Variants in ARHGAP25 observed in about 807,000 individuals in gnomAD.
The protein encoded by ARHGAP25 is rho GTPase-activating protein 25.
In ARHGAP25, 34 loss-of-function variants were observed where a neutral mutation model predicts 71.0. The observed-to-expected ratio is 0.48, with a 90% CI of 0.36 to 0.64. The LOEUF (loss-of-function observed/expected upper bound fraction) is 0.64. Ranked by LOEUF, ARHGAP25 falls within the 30% of genes least tolerant of loss-of-function variation. ARHGAP25 has a pLI of 0.00. For synonymous variants in ARHGAP25, 282 were observed against 296.5 expected (o/e 0.95, Z 0.50); for missense variants, 706 against 805.1 (o/e 0.88, Z 1.49).
chr2:68,822,655 G>T lies in ARHGAP25; in HGVS notation c.1516G>T (p.Val506Phe), dbSNP rs145839401. ...CCAACGGACTTCCACCTACGATAAC[G>T]TCCCTTCCCTGCCAGGGTCCCCTGG... ...DSQRTSTYDNVPSLPGSPGEE... is the reference protein window; with the variant it reads ...DSQRTSTYDNFPSLPGSPGEE... Residue 506 changes from valine (V) to phenylalanine (F), a missense_variant, in exon 10 of 11, where the codon GTC becomes TTC. Physicochemically the swap from Val to Phe is conservative, Grantham distance 50. Coordinates refer to ENST00000409202, the MANE Select transcript of ARHGAP25 (RefSeq NM_001007231.3). 3.9e-5 allele frequency: 63 copies of T among 1,614,026 alleles called. 1 individual carries two copies. The East Asian group carries it at 1.3e-3, about 34-fold the overall frequency.
intron 1 of ARHGAP25, among the ~76,000 whole-genome samples, chr2:68,742,513 G>A (rs959812449): frequency 1.3e-5 from 2 of 152,286 alleles, no homozygotes; most frequent in South Asian, 4.1e-4. Flanking sequence ...TGCAATCCTA[G>A]TGCTAACTCA....
rs776150370 is a variant in ARHGAP25 at position 68,822,761 on chromosome 2, C to G, written c.1622C>G (p.Pro541Arg). ...TLASPNSETGPGKKNSGEEEI... is the reference protein window; with the variant it reads ...TLASPNSETGRGKKNSGEEEI... ...GCCAGTCCAAACTCTGAAACTGGGC[C>G]TGGAAAAAAGAACTCTGGAGAAGAG... The change falls in exon 10 of 11, where the codon CCT becomes CGT. Residue 541 changes from proline (P) to arginine (R), a missense_variant. Transcript: ENST00000409202. 6.2e-7 allele frequency: 1 copy of G among 1,614,142 alleles called. No homozygotes were observed. The highest frequency in any genetic ancestry group is 8.5e-7 in the Non-Finnish European group (1 of 1,180,010).
chr2:68,739,787 G>C (rs541489750), intron 1 of ARHGAP25, among the ~76,000 whole-genome samples: 2 of 152,126 alleles, frequency 1.3e-5, no homozygotes, highest in Non-Finnish European at 2.9e-5. Flanking sequence ...AGAGTCCCCA[G>C]ACAGGAACTG....
intron 4 of ARHGAP25, among the ~76,000 whole-genome samples, chr2:68,800,933 T>G (rs77889451): frequency 0.037 from 5,598 of 152,136 alleles, 142 homozygotes; most frequent in Non-Finnish European, 0.056. Context: ...TCATGAAAAT[T>G]TATACCTATT....
At chr2:68,816,465 C>A (rs1681242593) in intron 7 of ARHGAP25, 103 bp downstream of exon 7, 4 of 924,050 alleles carry the variant, frequency 4.3e-6, no homozygotes, top group South Asian at 1.4e-5. Flanking sequence ...AGATTCTGGT[C>A]TAGCACTTTG....
At chr2:68,775,065 G>C in intron 1 of ARHGAP25, 156 bp from the exon 2 acceptor site, 2 of 1,533,350 alleles carry the variant, frequency 1.3e-6, no homozygotes, top group South Asian at 1.3e-5. Context: ...GGCTCGGGGG[G>C]GACTTTCTCT....
rs907481456 is a variant in ARHGAP25, at chr2:68,822,846, G to A, written c.1707G>A (p.Lys569=). 1.3e-5 allele frequency: 21 copies of A among 1,613,138 alleles called. No homozygotes were observed. Among genetic ancestry groups the A allele is most frequent in the South Asian group, 2.2e-5 (2 of 91,022 alleles). ...QELRKEIETQ[K]QMYEEQIKNL... is the part of the protein sequence containing the mutation. The stretch of plus-strand genomic sequence containing the variant: ...TACGAAAGGAAATAGAAACACAGAA[G>A]CAAATGTATGAGGAACAGATTAAAA... The change falls in exon 10 of 11, where the codon AAG becomes AAA. Residue 569 remains lysine (K), a synonymous_variant. Transcript: ENST00000409202.
intron 4 of ARHGAP25, among the ~76,000 whole-genome samples, chr2:68,796,600 T>C (rs1036341701): frequency 6.6e-6 from 1 of 152,250 alleles, no homozygotes; most frequent in Non-Finnish European, 1.5e-5. Flanking sequence ...TATGATTTCC[T>C]TGGTCATAAA....
In ARHGAP25 at chr2:68,826,668, A is replaced by T; in HGVS notation, c.*474A>T. On this transcript the variant is annotated 3_prime_UTR_variant, in exon 11 of 11. Transcript: ENST00000409202. The stretch of plus-strand genomic sequence containing the variant: ...TGGAGTGCTGTGTTTGGGGGGCTGC[A>T]TCTGCTGAAGCGAGAACCCCATTCT... 1 of 231,732 alleles carries T rather than the reference A, an allele frequency of 4.3e-6. No homozygotes were observed. The highest frequency in any genetic ancestry group is 8.8e-6 in the Non-Finnish European group (1 of 113,996). The allele number at this position is 231,732 out of a possible 1,614,324, so 14.4% of individuals were successfully genotyped here.
Position 68,787,892 on chromosome 2 carries a change from C to G in ARHGAP25, c.402C>G (p.Ser134Arg). 1 of 1,614,228 alleles carries G rather than the reference C, an allele frequency of 6.2e-7. No homozygotes were observed. The highest frequency in any genetic ancestry group is 8.5e-7 in the Non-Finnish European group (1 of 1,180,040). The part of the protein sequence containing the change: ...MGQDSYVLMA[S>R]SQAEMEEWVK... ...AGGACTCCTATGTCCTCATGGCCAGCTCTCAGGCGGAGATGGAGGAGTGGG... is the reference window on the plus strand; with the variant it reads ...AGGACTCCTATGTCCTCATGGCCAGGTCTCAGGCGGAGATGGAGGAGTGGG... Residue 134 changes from serine (S) to arginine (R), a missense_variant, in exon 4 of 11, where the codon AGC (serine) becomes AGG (arginine). Physicochemically the swap from Ser to Arg is moderately radical, Grantham distance 110. Transcript: ENST00000409202.
Position 68,735,108 on chromosome 2 carries a change from C to T in ARHGAP25, c.-92C>T. Reference sequence around the variant, plus strand: ...TCATAAGGAGGAACAAAAACAGACACAAAAACAGAGGGAAAGAGTGAAAAG... The same window carrying T: ...TCATAAGGAGGAACAAAAACAGACATAAAAACAGAGGGAAAGAGTGAAAAG... On this transcript the variant is annotated 5_prime_UTR_variant, in exon 1 of 11. Transcript: ENST00000409202. 2 of 1,149,366 alleles carry T rather than the reference C, an allele frequency of 1.7e-6. No individual in the cohort carries two copies. Among genetic ancestry groups the T allele is most frequent in the Admixed American group, 1.7e-5 (1 of 58,940 alleles). The allele number at this position is 1,149,366 out of a possible 1,614,324, so 71.2% of individuals were successfully genotyped here. A position where few individuals can be genotyped will look rare whatever the true frequency, so the allele number is the denominator to read the frequency against.
At chr2:68,780,811 C>T (rs1158753860) in intron 2 of ARHGAP25, among the ~76,000 whole-genome samples, 1 of 152,130 alleles carries the variant, frequency 6.6e-6, no homozygotes, top group Non-Finnish European at 1.5e-5. Flanking sequence ...TCTGAGATTT[C>T]CTTAAGACTC....
At position 68,810,717 on chromosome 2, in the gene ARHGAP25, T is replaced by A. The variant is rs754986092; in HGVS notation, c.675-2570T>A. On this transcript the variant is annotated intron_variant, in intron 5 of 10. Coordinates refer to ENST00000409202, the MANE Select transcript of ARHGAP25 (RefSeq NM_001007231.3). ...TCAAAAGTTCAAAAGATCCAATTTC[T>A]TTTCTTTTCTTCTCTTTTTTTTTTT... Among the ~76,000 whole-genome samples, 653 of 85,300 alleles carry A rather than the reference T, an allele frequency of 7.7e-3. 10 individuals are homozygous for A. In the Admixed American group the frequency reaches 0.077, roughly 10 times the overall value. 56.0% of individuals were successfully genotyped at this position (85,300 alleles called of 152,430 possible). A position where few individuals can be genotyped will look rare whatever the true frequency, so the allele number is the denominator to read the frequency against.
At chr2:68,775,730 G>A (rs1462797863) in intron 2 of ARHGAP25, 1 of 545,940 alleles carries the variant, frequency 1.8e-6, no homozygotes. Context: ...GTGGATTTGG[G>A]TTCAGGAAAA....
chr2:68,823,917 T>C (rs138512850), intron 10 of ARHGAP25, among the ~76,000 whole-genome samples: 20 of 152,316 alleles, frequency 1.3e-4, no homozygotes, highest in African/African-American at 4.6e-4. Flanking sequence ...CAAATTTGTT[T>C]TCAGGAGAGA....
chr2:68,736,138 G>T (rs1033163821), intron 1 of ARHGAP25, among the ~76,000 whole-genome samples: 7 of 152,178 alleles, frequency 4.6e-5, no homozygotes. Flanking sequence ...GAGGAATTTT[G>T]CTTGGAAAAA....
At chr2:68,721,007 A>G (rs1009861130) in intron 2 of ARHGAP25, among the ~76,000 whole-genome samples, 5 of 152,240 alleles carry the variant, frequency 3.3e-5, no homozygotes, top group African/African-American at 1.2e-4. Context: ...TTACTGTGGC[A>G]TAATATCCTC....
chr2:68,718,469 C>T (rs1674672154), intron 2 of ARHGAP25, among the ~76,000 whole-genome samples: 1 of 152,060 alleles, frequency 6.6e-6, no homozygotes, highest in African/African-American at 2.4e-5. Context: ...TCTCAATATC[C>T]TTGACTTAAT....
chr2:68,787,703 G>C (rs1294443655), intron 3 of ARHGAP25, 137 bp from the exon 4 acceptor site: 1 of 711,380 alleles, frequency 1.4e-6, no homozygotes, highest in Admixed American at 2.0e-5. Context: ...AGGATAATTC[G>C]ACAATGCATT....
Sources: allele counts gnomAD v4.1 joint callset (sites outside exome capture counted in the v4.1 genomes callset), GRCh38; gene constraint gnomAD v4.1.1; transcripts MANE v1.5; gene names NCBI Gene and HGNC (gene_info 2026-07-23, HGNC 2026-07-21).